Variants in CPVL observed in about 807,000 individuals in gnomAD.
CPVL encodes the protein carboxypeptidase vitellogenic like, also known as probable serine carboxypeptidase CPVL.
Under a neutral mutation model 63.7 loss-of-function variants are expected in CPVL, and 51 were observed. The observed-to-expected ratio is 0.80, with a 90% CI of 0.64 to 1.01. The LOEUF is 1.01. Among genes scored for constraint, CPVL ranks in the 50% least tolerant of loss-of-function variants. CPVL has a pLI of 0.00. For missense variants in CPVL, 530 were observed against 573.1 expected (o/e 0.92, Z 0.77); for synonymous variants, 195 against 206.0 (o/e 0.95, Z 0.46).
chr7:29,173,784 A>C (rs1438076229), intron 5 of CPVL, among the ~76,000 whole-genome samples: 1 of 151,670 alleles, frequency 6.6e-6, no homozygotes, highest in African/African-American at 2.4e-5. Context: ...CAAAAAAAAA[A>C]AAAAAAATTA....
chr7:29,052,399 C>A (rs893999906), intron 11 of CPVL, among the ~76,000 whole-genome samples: 1 of 142,638 alleles, frequency 7.0e-6, no homozygotes, highest in East Asian at 2.1e-4. Context: ...AGTTTTTAAA[C>A]CTATTTTTAA....
intron 11 of CPVL, among the ~76,000 whole-genome samples, chr7:29,061,749 C>A (rs1206502512): frequency 6.6e-6 from 1 of 152,018 alleles, no homozygotes; most frequent in Non-Finnish European, 1.5e-5. Context: ...AAGTTTGAGA[C>A]CAATCTGACC....
At chr7:29,003,420 A>G (rs1784867348) in intron 12 of CPVL, among the ~76,000 whole-genome samples, 1 of 152,234 alleles carries the variant, frequency 6.6e-6, no homozygotes, top group African/African-American at 2.4e-5. Context: ...TCAAGGAAAC[A>G]AAAAATTGGA....
Position 29,088,804 on chromosome 7 carries a change from G to A in CPVL, c.543-2254C>T, listed in dbSNP as rs149523540. On this transcript the variant is annotated intron_variant, in intron 6 of 12. Coordinates refer to ENST00000265394, the MANE Select transcript of CPVL (RefSeq NM_031311.5). ...ATTCTGGCCAACGTGGTGAAACCCC[G>A]TTTCTACTAAAAATACAAAAATTAT... is the stretch of plus-strand genomic sequence containing the variant. Among the ~76,000 whole-genome samples the A allele has an allele frequency of 5.9e-3, 894 of 152,140 alleles. 25 individuals carry two copies. The East Asian group carries it at 0.092, about 16-fold the overall frequency.
At chr7:29,056,180 A>T (rs561631108) in intron 11 of CPVL, among the ~76,000 whole-genome samples, 6 of 152,232 alleles carry the variant, frequency 3.9e-5, no homozygotes, top group Non-Finnish European at 8.8e-5. Flanking sequence ...ACAAAGCTAC[A>T]CTGAAACATC....
At chr7:29,023,545 G>T (rs1233572846) in intron 12 of CPVL, among the ~76,000 whole-genome samples, 2 of 152,020 alleles carry the variant, frequency 1.3e-5, no homozygotes, top group Non-Finnish European at 2.9e-5. Flanking sequence ...ATAATATGAA[G>T]GCCCAAGGAT....
chr7:29,184,367 A>G (rs1435052436), intron 4 of CPVL: 2 of 152,052 alleles, frequency 1.3e-5, no homozygotes, highest in Admixed American at 6.6e-5. Context: ...GAGAAAATAT[A>G]TGACTGTATG....
intron 3 of CPVL, among the ~76,000 whole-genome samples, chr7:29,104,917 A>T (rs894621102): frequency 1.3e-5 from 2 of 152,178 alleles, no homozygotes; most frequent in African/African-American, 2.4e-5. Flanking sequence ...AGAGTGTTCA[A>T]ATATACCTAT....
In CPVL at chr7:29,096,124, C is replaced by T; in HGVS notation, c.382G>A (p.Val128Ile). ...TTACAGGTCATGTTACTTGTGACAACATAAGGCCCATGTTCCACAAAGAGT... is the reference window on the plus strand; with the variant it reads ...TTACAGGTCATGTTACTTGTGACAATATAAGGCCCATGTTCCACAAAGAGT... ...FGLFVEHGPY[V>I]VTSNMTLRDR... Residue 128 changes from valine (V) to isoleucine (I), a missense_variant, in exon 4 of 13, where the codon GTT becomes ATT. By Grantham distance (29) the Val-to-Ile change is conservative. Coordinates refer to ENST00000265394, the MANE Select transcript of CPVL (RefSeq NM_031311.5). The T allele has an allele frequency of 6.2e-7, 1 of 1,614,056 alleles. No individual in the cohort carries two copies.
intron 5 of CPVL, among the ~76,000 whole-genome samples, chr7:29,155,520 A>G (rs919528937): frequency 6.6e-6 from 1 of 152,316 alleles, no homozygotes; most frequent in East Asian, 1.9e-4. Context: ...ATGTTCAAAC[A>G]TGTGTCCAAG....
At chr7:29,134,726 G>C (rs1440703003) in intron 1 of CPVL, among the ~76,000 whole-genome samples, 1 of 151,864 alleles carries the variant, frequency 6.6e-6, no homozygotes, top group Non-Finnish European at 1.5e-5. Flanking sequence ...TAAAAAATAG[G>C]AAGAAAAAAG....
At chr7:29,030,432 C>G (rs1258890228) in intron 12 of CPVL, 145 bp downstream of exon 12, 1 of 758,368 alleles carries the variant, frequency 1.3e-6, no homozygotes, top group African/African-American at 1.8e-5. Flanking sequence ...CCACTCTTCT[C>G]TGTGGAAAGT....
Position 29,092,670 on chromosome 7 carries a change from G to A in CPVL, c.495C>T (p.Thr165=), listed in dbSNP as rs767147562. ...VGTGFSFTDD[T]HGYAVNEDDV... is the part of the protein sequence containing the mutation. Reference sequence around the variant, plus strand: ...CGTCCTCATTGACTGCATATCCGTGGGTATCATCAGTAAAACTGAAGCCTG... The same window carrying A: ...CGTCCTCATTGACTGCATATCCGTGAGTATCATCAGTAAAACTGAAGCCTG... Residue 165 remains threonine (T), a synonymous_variant, in exon 6 of 13, where the codon ACC becomes ACT. Transcript: ENST00000265394. 3 of 1,613,830 alleles carry A rather than the reference G, an allele frequency of 1.9e-6. No homozygotes were observed. The highest frequency in any genetic ancestry group is 2.5e-6 in the Non-Finnish European group (3 of 1,179,790).
chr7:29,125,205 T>A (rs1023319412), intron 1 of CPVL: 1 of 152,152 alleles, frequency 6.6e-6, no homozygotes, highest in African/African-American at 2.4e-5. Context: ...AATTGATGAA[T>A]CTAAATAAGG....
chr7:29,149,491 GC>G (rs1793291512), upstream of CPVL, among the ~76,000 whole-genome samples: 1 of 152,134 alleles, frequency 6.6e-6, no homozygotes, highest in Non-Finnish European at 1.5e-5. Context: ...ACCGTGCCCA[GC>G]CTGGAAATCC....
chr7:29,139,113 C>T (rs1791568057), intron 1 of CPVL, among the ~76,000 whole-genome samples: 1 of 152,148 alleles, frequency 6.6e-6, no homozygotes, highest in African/African-American at 2.4e-5. Flanking sequence ...TAAAGCCAGA[C>T]CGTAGAGGAT....
chr7:29,062,488 G>A (rs1782721875), intron 11 of CPVL, among the ~76,000 whole-genome samples: 1 of 152,154 alleles, frequency 6.6e-6, no homozygotes, highest in Admixed American at 6.5e-5. Context: ...AAGTTTTGCA[G>A]GTTTATAATG....
chr7:29,191,557 T>C (rs1342522902), intron 1 of CPVL: 1 of 152,228 alleles, frequency 6.6e-6, no homozygotes, highest in Non-Finnish European at 1.5e-5. Flanking sequence ...TTGGAAGGCT[T>C]TGAATGCCAG....
chr7:29,087,859 T>A (rs2128599451), intron 6 of CPVL, among the ~76,000 whole-genome samples: 1 of 152,342 alleles, frequency 6.6e-6, no homozygotes, highest in East Asian at 1.9e-4. Context: ...AGAGTTTCGG[T>A]GTATTTCTGT....
Sources: allele counts gnomAD v4.1 joint callset (sites outside exome capture counted in the v4.1 genomes callset), GRCh38; gene constraint gnomAD v4.1.1; transcripts MANE v1.5; gene names NCBI Gene and HGNC (gene_info 2026-07-23, HGNC 2026-07-21).